KALRN: variants seen among roughly 807,000 people sequenced by gnomAD.
The protein encoded by KALRN is kalirin.
In KALRN, 70 loss-of-function variants were observed where a neutral mutation model predicts 353.7. The ratio of observed to expected loss-of-function variants is 0.20; its 90% CI spans 0.16 to 0.24. The LOEUF is 0.24. Ranked by LOEUF, KALRN falls within the 10% of genes least tolerant of loss-of-function variation. The pLI, the probability that KALRN is intolerant of heterozygous loss-of-function variation, is 1.00. For missense variants in KALRN, 2,791 were observed against 3,756.7 expected, an observed-to-expected ratio of 0.74 and a Z score of 6.72; for synonymous variants, 1,391 against 1,434.8, an observed-to-expected ratio of 0.97 and a Z score of 0.69.
intron 3 of KALRN, among the ~76,000 whole-genome samples, chr3:124,243,115 C>T (rs2080703538): frequency 6.6e-6 from 1 of 152,198 alleles, no homozygotes; most frequent in Admixed American, 6.5e-5. Context: ...ACCTGCCTGT[C>T]TGTTTCTATA....
intron 29 of KALRN, among the ~76,000 whole-genome samples, chr3:124,489,586 C>A (rs1230070652): frequency 6.6e-6 from 1 of 152,158 alleles, no homozygotes; most frequent in Non-Finnish European, 1.5e-5. Flanking sequence ...TTCCTGTTGA[C>A]ATTTTTCTCC....
intron 1 of KALRN, among the ~76,000 whole-genome samples, chr3:124,128,579 G>A (rs1346388410): frequency 6.6e-6 from 1 of 152,146 alleles, no homozygotes; most frequent in African/African-American, 2.4e-5. Flanking sequence ...ATACAGGGAA[G>A]CAGGAAAATG....
chr3:124,719,273 G>A lies in KALRN; in HGVS notation c.8764G>A (p.Asp2922Asn). 6.2e-7 allele frequency: 1 copy of A among 1,614,252 alleles called. No homozygotes were observed. Among genetic ancestry groups the A allele is most frequent in the Non-Finnish European group, 8.5e-7 (1 of 1,180,052 alleles). ...TTTCATCAATGTGATCTTACAGGAAGATTTTCGGAGGCGGCCCACAGCAGC... is the reference window on the plus strand; with the variant it reads ...TTTCATCAATGTGATCTTACAGGAAAATTTTCGGAGGCGGCCCACAGCAGC... ...RDFINVILQE[D>N]FRRRPTAATC... is the part of the protein sequence containing the mutation. The change falls in exon 60 of 60, where the codon GAT becomes AAT. Residue 2922 changes from aspartate (D) to asparagine (N), a missense_variant. Asp to Asn is a conservative substitution (Grantham distance 23). Coordinates refer to ENST00000682506, the MANE Select transcript of KALRN (RefSeq NM_001388419.1). The surrounding 1 kb of genome is among the most constrained non-coding windows in gnomAD (Gnocchi z 5.3).
intron 10 of KALRN, among the ~76,000 whole-genome samples, chr3:124,362,873 G>A (rs115280683): frequency 0.014 from 2,078 of 152,266 alleles, 42 homozygotes; most frequent in African/African-American, 0.048. Context: ...AATTCCCAAG[G>A]TCAGTTTCAT....
At chr3:124,331,703 G>T (rs1361416148) in intron 8 of KALRN, among the ~76,000 whole-genome samples, 2 of 152,156 alleles carry the variant, frequency 1.3e-5, no homozygotes, top group African/African-American at 4.8e-5. Flanking sequence ...TACAAATATA[G>T]AGAGTACAAA....
At chr3:124,143,491 C>T (rs556709378) in intron 1 of KALRN, among the ~76,000 whole-genome samples, 26 of 152,228 alleles carry the variant, frequency 1.7e-4, no homozygotes, top group Non-Finnish European at 2.9e-4. Flanking sequence ...GATTTGAATC[C>T]CAGCTCTGCA....
intron 9 of KALRN, among the ~76,000 whole-genome samples, chr3:124,344,120 G>T (rs1162378444): frequency 2.0e-5 from 3 of 152,184 alleles, no homozygotes; most frequent in Non-Finnish European, 4.4e-5. Context: ...TAGATGAAGA[G>T]AAATTATTCA....
At chr3:124,187,000 C>T (rs2074309356) in intron 1 of KALRN, among the ~76,000 whole-genome samples, 1 of 152,182 alleles carries the variant, frequency 6.6e-6, no homozygotes, top group Non-Finnish European at 1.5e-5. Context: ...TTGCTCAGAG[C>T]TCACCTTGGT....
chr3:124,195,481 G>A (rs942917675), intron 1 of KALRN, among the ~76,000 whole-genome samples: 1 of 152,116 alleles, frequency 6.6e-6, no homozygotes, highest in African/African-American at 2.4e-5. Flanking sequence ...GTGGCACTTC[G>A]TCCTGAGGCT....
At position 124,552,811 on chromosome 3, in the gene KALRN, G is replaced by C. The variant is rs1964661; in HGVS notation, c.4936-10032G>C. ...ATGGAGTTTCACTCTTGTCGCCCAG[G>C]CTGGAGTGCAGTGGTGCAATCTCTG... On this transcript the variant is annotated intron_variant, in intron 33 of 59. Coordinates refer to ENST00000682506, the MANE Select transcript of KALRN (RefSeq NM_001388419.1). Among the ~76,000 whole-genome samples the C allele has an allele frequency of 1.9e-4, 29 of 152,258 alleles. 1 individual carries two copies. In the East Asian group the frequency reaches 2.9e-3, roughly 15 times the overall value.
intron 1 of KALRN, among the ~76,000 whole-genome samples, chr3:124,158,402 C>T (rs776415524): frequency 4.6e-5 from 7 of 152,182 alleles, no homozygotes; most frequent in Non-Finnish European, 7.3e-5. Flanking sequence ...TCTTCATTAC[C>T]TCTCAGATGC....
At chr3:124,222,727 G>A (rs1052413633) in intron 1 of KALRN, among the ~76,000 whole-genome samples, 2 of 152,034 alleles carry the variant, frequency 1.3e-5, no homozygotes, top group South Asian at 2.1e-4. Flanking sequence ...TCAGCCTCCC[G>A]AGTGGCTGGG....
At chr3:124,476,056 T>A (rs1196419208) in intron 26 of KALRN, among the ~76,000 whole-genome samples, 2 of 152,046 alleles carry the variant, frequency 1.3e-5, no homozygotes, top group Non-Finnish European at 2.9e-5. Context: ...CATCATCTCC[T>A]AGGTAGTACA....
intron 34 of KALRN, among the ~76,000 whole-genome samples, chr3:124,577,421 C>T (rs1273325692): frequency 6.6e-6 from 1 of 152,004 alleles, no homozygotes; most frequent in Non-Finnish European, 1.5e-5. Context: ...ATGATGGTAC[C>T]CACAGGGCCA....
intron 17 of KALRN, 42 bp downstream of exon 17, chr3:124,434,567 A>G (rs1284974889): frequency 6.3e-7 from 1 of 1,592,962 alleles, no homozygotes; most frequent in Non-Finnish European, 8.6e-7. Context: ...TGAGATTGCC[A>G]GGGGGCCATT....
intron 1 of KALRN, among the ~76,000 whole-genome samples, chr3:124,161,095 A>C (rs1453430574): frequency 6.6e-6 from 1 of 152,170 alleles, no homozygotes; most frequent in East Asian, 1.9e-4. Context: ...ATGCCACTGA[A>C]CTGTACACTT....
intron 26 of KALRN, 117 bp downstream of exon 26, chr3:124,474,849 G>A (rs547523417): frequency 1.2e-6 from 1 of 812,332 alleles, no homozygotes; most frequent in East Asian, 2.5e-5. Context: ...TACTGAGAGG[G>A]ACCATGAGTA....
intron 1 of KALRN, among the ~76,000 whole-genome samples, chr3:124,124,501 G>C (rs928556792): frequency 1.3e-5 from 2 of 152,216 alleles, no homozygotes; most frequent in Non-Finnish European, 2.9e-5. Context: ...AGTTGATAAA[G>C]CAGCAGCTGG....
intron 9 of KALRN, among the ~76,000 whole-genome samples, chr3:124,346,811 A>G (rs956886330): frequency 6.6e-6 from 1 of 152,170 alleles, no homozygotes; most frequent in African/African-American, 2.4e-5. Context: ...TCTTTATGTG[A>G]TTGGGTAGAA....
Sources: allele counts gnomAD v4.1 joint callset (sites outside exome capture counted in the v4.1 genomes callset), GRCh38; gene constraint gnomAD v4.1.1; non-coding constraint Gnocchi (gnomAD v3.1); transcripts MANE v1.5; gene names NCBI Gene and HGNC (gene_info 2026-07-23, HGNC 2026-07-21).